The following FZD3 variants were observed in gnomAD, a reference collection of about 807,000 sequenced individuals.
FZD3 encodes frizzled class receptor 3, also known as frizzled-3.
FZD3 carries 30 observed loss-of-function variants against 60.7 expected under a neutral mutation model. That is an observed-to-expected ratio of 0.49 (90% CI 0.37 to 0.67). FZD3 has a LOEUF of 0.67. Among genes scored for constraint, FZD3 ranks in the 30% least tolerant of loss-of-function variants. FZD3 has a pLI of 0.00. For synonymous variants in FZD3, 246 were observed against 275.2 expected (o/e 0.89, Z 1.05); for missense variants, 605 against 838.7 (o/e 0.72, Z 3.44).
intron 3 of FZD3, among the ~76,000 whole-genome samples, chr8:28,510,557 C>A (rs1430986856): frequency 6.6e-6 from 1 of 152,068 alleles, no homozygotes; most frequent in Non-Finnish European, 1.5e-5. Context: ...GACAGAAACA[C>A]CTTCATAATT....
At chr8:28,542,702 G>A (rs141304834) in intron 5 of FZD3, among the ~76,000 whole-genome samples, 14 of 152,152 alleles carry the variant, frequency 9.2e-5, no homozygotes, top group Non-Finnish European at 1.3e-4. Context: ...ACCCACACAC[G>A]CTATCCCCTA....
At chr8:28,555,379 G>C (rs939516857) in intron 6 of FZD3, among the ~76,000 whole-genome samples, 1 of 152,124 alleles carries the variant, frequency 6.6e-6, no homozygotes, top group African/African-American at 2.4e-5. Context: ...TTGGCTGAAA[G>C]GGACCTTTTA....
chr8:28,512,309 A>T (rs867040093), intron 3 of FZD3, among the ~76,000 whole-genome samples: 1 of 152,018 alleles, frequency 6.6e-6, no homozygotes, highest in African/African-American at 2.4e-5. Context: ...GTTGTACTTG[A>T]TCCATTGTTA....
chr8:28,559,340 A>T (rs546766589), intron 7 of FZD3, among the ~76,000 whole-genome samples: 47 of 152,234 alleles, frequency 3.1e-4, no homozygotes, highest in African/African-American at 1.1e-3. Context: ...AACAGTGGGC[A>T]TATGAGTCAG....
intron 5 of FZD3, among the ~76,000 whole-genome samples, chr8:28,545,609 A>T (rs907203215): frequency 3.9e-5 from 6 of 152,244 alleles, no homozygotes; most frequent in Non-Finnish European, 8.8e-5. Context: ...ACTAACATCC[A>T]GATGATTCCA....
At chr8:28,508,651 C>T (rs745908167) in intron 3 of FZD3, among the ~76,000 whole-genome samples, 68 of 151,750 alleles carry the variant, frequency 4.5e-4, no homozygotes, top group Non-Finnish European at 9.1e-4. Flanking sequence ...CAGGTGTATG[C>T]CACCATGCCT....
chr8:28,526,945 A>G (rs974351202), intron 4 of FZD3, among the ~76,000 whole-genome samples: 13 of 152,170 alleles, frequency 8.5e-5, no homozygotes, highest in African/African-American at 3.1e-4. Context: ...AAGACATACA[A>G]CTAGTATTTT....
chr8:28,499,425 A>G (rs1365373616), intron 1 of FZD3, among the ~76,000 whole-genome samples: 1 of 152,166 alleles, frequency 6.6e-6, no homozygotes, highest in Non-Finnish European at 1.5e-5. Context: ...TCTTATTGGT[A>G]GACTTTTCAG....
At chr8:28,501,767 CT>C (rs1804000425) in intron 2 of FZD3, among the ~76,000 whole-genome samples, 1 of 152,084 alleles carries the variant, frequency 6.6e-6, no homozygotes, top group Non-Finnish European at 1.5e-5. Flanking sequence ...GGGAATTATT[CT>C]TATTTTTCCT....
chr8:28,534,052 A>G (rs563577296), intron 5 of FZD3, among the ~76,000 whole-genome samples: 12 of 152,252 alleles, frequency 7.9e-5, no homozygotes, highest in Non-Finnish European at 1.2e-4. Context: ...TTTCAAATAG[A>G]TAGTATGGCT....
At chr8:28,560,192 A>G (rs1463213894) in intron 7 of FZD3, among the ~76,000 whole-genome samples, 6 of 150,886 alleles carry the variant, frequency 4.0e-5, no homozygotes, top group Admixed American at 6.6e-5. Flanking sequence ...ATCATCTTCA[A>G]GGTTTTTTTA....
chr8:28,571,645 G>C lies in FZD3; in HGVS notation c.*8634G>C, dbSNP rs1336343490. On this transcript the variant is annotated 3_prime_UTR_variant, in exon 8 of 8. Coordinates refer to ENST00000240093, the MANE Select transcript of FZD3 (RefSeq NM_017412.4). ...AACCCCAACTTCCAACAACTTTTCT[G>C]CTTTTATTTTCAAATGTCAAATTGT... is the stretch of plus-strand genomic sequence containing the variant. 2 of 151,910 alleles carry C rather than the reference G, an allele frequency of 1.3e-5. No individual in the cohort carries two copies. The highest frequency in any genetic ancestry group is 2.9e-5 in the Non-Finnish European group (2 of 67,972). 9.4% of individuals were successfully genotyped at this position (151,910 alleles called of 1,614,324 possible).
rs1049936129 is a variant in FZD3 at position 28,563,435 on chromosome 8, A to T, written c.*424A>T. ...TAAAGAAATTTTCTATGCAAGGTTT[A>T]CTTCTCAGATGAACAGTAGGACTTT... is the stretch of plus-strand genomic sequence containing the variant. On this transcript the variant is annotated 3_prime_UTR_variant, in exon 8 of 8. Transcript: ENST00000240093. 8 of 172,324 alleles carry T rather than the reference A, an allele frequency of 4.6e-5. No homozygotes were observed. The highest frequency in any genetic ancestry group is 1.9e-4 in the African/African-American group (8 of 41,846). The allele number at this position is 172,324 out of a possible 1,614,324, so 10.7% of individuals were successfully genotyped here.
Position 28,528,140 on chromosome 8 carries a change from A to T in FZD3, c.1380A>T (p.Glu460Asp), listed in dbSNP as rs745564151. ...ETTWIQERCR[E>D]YHIPCPYQVT... is the part of the protein sequence containing the mutation. ...CGTGGATACAAGAACGCTGCAGAGAATATCACATTCCATGTCCATATCAGG... is the reference window on the plus strand; with the variant it reads ...CGTGGATACAAGAACGCTGCAGAGATTATCACATTCCATGTCCATATCAGG... Residue 460 changes from glutamate (E) to aspartate (D), a missense_variant, in exon 5 of 8, where the codon GAA (glutamate) becomes GAT (aspartate). Physicochemically the swap from Glu to Asp is conservative, Grantham distance 45. Coordinates refer to ENST00000240093, the MANE Select transcript of FZD3 (RefSeq NM_017412.4). 2 of 1,613,048 alleles carry T rather than the reference A, an allele frequency of 1.2e-6. No homozygotes were observed. Among genetic ancestry groups the T allele is most frequent in the Non-Finnish European group, 1.7e-6 (2 of 1,179,474 alleles).
chr8:28,550,969 T>C (rs952134547), intron 5 of FZD3, among the ~76,000 whole-genome samples: 1 of 152,182 alleles, frequency 6.6e-6, no homozygotes, highest in Non-Finnish European at 1.5e-5. Context: ...TTCACATTAC[T>C]CTTTTAAGAA....
intron 3 of FZD3, among the ~76,000 whole-genome samples, chr8:28,517,742 A>T (rs1804468937): frequency 6.6e-6 from 1 of 152,150 alleles, no homozygotes; most frequent in Admixed American, 6.5e-5. Context: ...CAATTATAGA[A>T]TTTTAATTTG....
At chr8:28,535,917 G>A (rs1005267320) in intron 5 of FZD3, among the ~76,000 whole-genome samples, 1 of 152,122 alleles carries the variant, frequency 6.6e-6, no homozygotes, top group Non-Finnish European at 1.5e-5. Context: ...TTTGAATTTA[G>A]CATAATATTC....
At chr8:28,495,832 C>T (rs747246281) in intron 1 of FZD3, among the ~76,000 whole-genome samples, 1 of 152,072 alleles carries the variant, frequency 6.6e-6, no homozygotes, top group Non-Finnish European at 1.5e-5. Flanking sequence ...TAAGATGCAG[C>T]CTTTCTTCTA....
At chr8:28,537,178 A>G (rs1585983174) in intron 5 of FZD3, among the ~76,000 whole-genome samples, 1 of 152,374 alleles carries the variant, frequency 6.6e-6, no homozygotes, top group East Asian at 1.9e-4. Context: ...ATATTACAGA[A>G]TACGACATGA....
Sources: allele counts gnomAD v4.1 joint callset (sites outside exome capture counted in the v4.1 genomes callset), GRCh38; gene constraint gnomAD v4.1.1; transcripts MANE v1.5; gene names NCBI Gene and HGNC (gene_info 2026-07-23, HGNC 2026-07-21).